The following EP400 variants were observed in gnomAD, a reference collection of about 807,000 sequenced individuals.
The protein encoded by EP400 is E1A-binding protein p400.
Under a neutral mutation model 354.1 loss-of-function variants are expected in EP400, and 105 were observed. That is an observed-to-expected ratio of 0.30 (90% confidence interval 0.25 to 0.35). The LOEUF (loss-of-function observed/expected upper bound fraction) is 0.35, where lower values mean the gene tolerates loss of function less well. Among genes scored for constraint, EP400 ranks in the 10% least tolerant of loss-of-function variants. The probability of loss-of-function intolerance (pLI) is 1.00; values close to 1 mark genes in which losing one functional copy is unlikely to be tolerated. For missense variants in EP400, 3,280 were observed against 4,121.0 expected, an observed-to-expected ratio of 0.80 and a Z score of 5.59; for synonymous variants, 1,646 against 1,716.9, an observed-to-expected ratio of 0.96 and a Z score of 1.02.
chr12:132,064,893 G>A lies in EP400; in HGVS notation c.8553+7G>A. The A allele has an allele frequency of 6.3e-7, 1 of 1,595,490 alleles. No homozygotes were observed. Among genetic ancestry groups the A allele is most frequent in the Non-Finnish European group, 8.5e-7 (1 of 1,171,482 alleles). On this transcript the variant is annotated splice_region_variant and intron_variant, in intron 48 of 52. Coordinates refer to ENST00000389561, the MANE Select transcript of EP400 (RefSeq NM_015409.5). ...CCTCCAGGTGGCCCGGCTCGTAAGT[G>A]TCAGTTTCTGTTTGTTTTCCAAAAG... is the stretch of plus-strand genomic sequence containing the variant.
chr12:132,055,384 T>C (rs1365557192), intron 45 of EP400, among the ~76,000 whole-genome samples, 176 bp downstream of exon 45: 3 of 152,104 alleles, frequency 2.0e-5, no homozygotes, highest in Admixed American at 6.5e-5. Flanking sequence ...TTCAGCTGTT[T>C]AGGGGATGGT....
At chr12:132,016,487 GC>G (rs1218806450) in intron 19 of EP400, among the ~76,000 whole-genome samples, 2 of 152,126 alleles carry the variant, frequency 1.3e-5, no homozygotes, top group East Asian at 3.8e-4. Flanking sequence ...TCCTGCCTCA[GC>G]CTCTCGAGTT....
At chr12:131,998,445 A>G (rs1893288983) in intron 12 of EP400, among the ~76,000 whole-genome samples, 1 of 152,148 alleles carries the variant, frequency 6.6e-6, no homozygotes, top group African/African-American at 2.4e-5. Flanking sequence ...GTCTTCCTAA[A>G]TAGCTTTCCA....
intron 15 of EP400, among the ~76,000 whole-genome samples, 179 bp downstream of exon 15, chr12:132,007,056 A>G (rs117120365): frequency 6.6e-6 from 1 of 152,250 alleles, no homozygotes; most frequent in Non-Finnish European, 1.5e-5. Flanking sequence ...AAACTGGTTC[A>G]CAGTTAACAT....
At chr12:131,989,833 C>T in intron 7 of EP400, 131 bp from the exon 8 acceptor site, 3 of 991,230 alleles carry the variant, frequency 3.0e-6, no homozygotes, top group Non-Finnish European at 4.4e-6. Context: ...ACCCTAAGAG[C>T]ATACGAGGAT....
At chr12:132,043,760 A>C (rs751476701) in intron 34 of EP400, 32 bp downstream of exon 34, 4 of 1,564,650 alleles carry the variant, frequency 2.6e-6, no homozygotes, top group Admixed American at 2.0e-5. Flanking sequence ...CAGTGAAAAA[A>C]ATTTGCAATA....
rs117868277 is a variant in EP400, at chr12:132,030,826, T to C, written c.5754+668T>C. On this transcript the variant is annotated intron_variant, in intron 29 of 52. Coordinates refer to ENST00000389561, the MANE Select transcript of EP400 (RefSeq NM_015409.5). ...GGGGTTGTCCATGGGCCCCGTGCCC[T>C]GGCAGCTTCATGAGCAGAAACTGCC... Among the ~76,000 whole-genome samples, 1,081 of 152,370 alleles carry C rather than the reference T, an allele frequency of 7.1e-3. 34 individuals carry two copies. In the South Asian group the frequency reaches 0.093, roughly 13 times the overall value.
At chr12:132,051,133 A>T (rs1278085553) in intron 41 of EP400, 1 of 181,518 alleles carries the variant, frequency 5.5e-6, no homozygotes, top group Non-Finnish European at 1.2e-5. Context: ...GGATGGTGGA[A>T]CCCCAGTGTG....
intron 1 of EP400, among the ~76,000 whole-genome samples, chr12:131,959,895 G>C (rs1891819287): frequency 1.3e-5 from 2 of 152,234 alleles, no homozygotes; most frequent in Admixed American, 1.3e-4. Context: ...CCCCGGGCCT[G>C]ACACACAAAT....
chr12:132,032,138 C>T lies in EP400; in HGVS notation c.5940C>T (p.Ile1980=). 1.2e-6 allele frequency: 2 copies of T among 1,613,098 alleles called. No homozygotes were observed. The highest frequency in any genetic ancestry group is 2.2e-5 in the South Asian group (2 of 90,878). The change falls in exon 30 of 53, where the codon ATC becomes ATT. Residue 1980 remains isoleucine (I), a synonymous_variant. Coordinates refer to ENST00000389561, the MANE Select transcript of EP400 (RefSeq NM_015409.5). ...WCDRIGRCKD[I]HIYRLVSGNS... ...ATAGGATCGGGAGATGCAAAGACAT[C>T]CACATATACAGGTGAGGGCCTGCGG...
intron 2 of EP400, among the ~76,000 whole-genome samples, chr12:131,974,482 A>G (rs944193364): frequency 6.6e-6 from 1 of 152,094 alleles, no homozygotes; most frequent in African/African-American, 2.4e-5. Flanking sequence ...GCCAACTACT[A>G]TTGGTCTTAA....
chr12:131,982,299 G>A lies in EP400; in HGVS notation c.1750G>A (p.Val584Ile), dbSNP rs577349631. 3 of 1,614,050 alleles carry A rather than the reference G, an allele frequency of 1.9e-6. No homozygotes were observed. Among genetic ancestry groups the A allele is most frequent in the Admixed American group, 1.7e-5 (1 of 60,010 alleles). Residue 584 changes from valine (V) to isoleucine (I), a missense_variant, in exon 5 of 53, where the codon GTA becomes ATA. Coordinates refer to ENST00000389561, the MANE Select transcript of EP400 (RefSeq NM_015409.5). ...ALQFAQQPQV[V>I]EAQTQLQIPV... ...GCAGTTTGCACAGCAGCCGCAAGTG[G>A]TAGAGGCCCAGACACAGCTCCAAAT...
chr12:131,983,052 C>T (rs1479517717), intron 5 of EP400, among the ~76,000 whole-genome samples: 1 of 152,068 alleles, frequency 6.6e-6, no homozygotes, highest in Non-Finnish European at 1.5e-5. Flanking sequence ...CTTACTCACC[C>T]ATATGTTGTG....
Position 132,013,758 on chromosome 12 carries a change from A to G in EP400, c.3787-19A>G. On this transcript the variant is annotated intron_variant, in intron 18 of 52. Coordinates refer to ENST00000389561, the MANE Select transcript of EP400 (RefSeq NM_015409.5). This position sits in a 1 kb window ranked among gnomAD's most constrained non-coding sequence, Gnocchi z 4.5. ...GCAGCATTTTTGGAAAGAAAACAGT[A>G]AACAGTTTTTATTTTCAGGTGACAC... is the stretch of plus-strand genomic sequence containing the variant. 1.2e-6 allele frequency: 2 copies of G among 1,612,718 alleles called. No homozygotes were observed. The highest frequency in any genetic ancestry group is 1.7e-6 in the Non-Finnish European group (2 of 1,179,482).
At chr12:131,962,996 C>A (rs1190969966) in intron 2 of EP400, among the ~76,000 whole-genome samples, 3 of 152,126 alleles carry the variant, frequency 2.0e-5, no homozygotes, top group African/African-American at 7.2e-5. Flanking sequence ...CCAGGATGGA[C>A]CATATTTGTT....
chr12:132,041,447 G>T (rs1313864659), intron 32 of EP400, among the ~76,000 whole-genome samples: 2 of 152,228 alleles, frequency 1.3e-5, no homozygotes, highest in East Asian at 3.8e-4. Context: ...AGCACCGCCT[G>T]CTTCTGCACT....
rs932578016 is a variant in EP400, at chr12:132,075,550, C to T, written c.9022-966C>T. On this transcript the variant is annotated intron_variant, in intron 51 of 52. Transcript: ENST00000389561. The surrounding 1 kb of genome is among the most constrained non-coding windows in gnomAD (Gnocchi z 4.5). Reference sequence around the variant, plus strand: ...GAGCACCGGCTGCATCTTTGTTTCCCAGCAGTTCCACAGGGGGCGCTCAGG... The same window carrying T: ...GAGCACCGGCTGCATCTTTGTTTCCTAGCAGTTCCACAGGGGGCGCTCAGG... 6.6e-6 allele frequency among the ~76,000 whole-genome samples: 1 copy of T among 152,178 alleles called. No homozygotes were observed. The highest frequency in any genetic ancestry group is 1.5e-5 in the Non-Finnish European group (1 of 68,028).
At position 131,990,529 on chromosome 12, in the gene EP400, A is replaced by C; in HGVS notation, c.2551-107A>C. On this transcript the variant is annotated intron_variant, in intron 8 of 52. Coordinates refer to ENST00000389561, the MANE Select transcript of EP400 (RefSeq NM_015409.5). This position sits in a 1 kb window ranked among gnomAD's most constrained non-coding sequence, Gnocchi z 4.2. ...AAAGCACCAAACTGACGAGGCTGGA[A>C]AACACTGTTTTCAGACTCTGCTTAT... is the stretch of plus-strand genomic sequence containing the variant. 3 of 840,522 alleles carry C rather than the reference A, an allele frequency of 3.6e-6. No homozygotes were observed. In the South Asian group the frequency reaches 5.2e-5, roughly 15 times the overall value. The allele number at this position is 840,522 out of a possible 1,614,324, so 52.1% of individuals were successfully genotyped here.
chr12:131,988,541 T>C (rs1892932689), intron 7 of EP400, among the ~76,000 whole-genome samples: 1 of 152,228 alleles, frequency 6.6e-6, no homozygotes. Context: ...CCCTTCCTCC[T>C]GGGCTTCTAG....
Sources: gnomAD v4.1 joint callset for allele counts (sites outside exome capture counted in the v4.1 genomes callset) on GRCh38, gnomAD v4.1.1 for gene constraint, Gnocchi (gnomAD v3.1) non-coding constraint, MANE v1.5 for transcripts, NCBI Gene and HGNC (gene_info 2026-07-23, HGNC 2026-07-21) for gene names.